HTT: variants seen among roughly 807,000 people sequenced by gnomAD.
The protein encoded by HTT is huntingtin.
Under a neutral mutation model 362.3 loss-of-function variants are expected in HTT, and 104 were observed. The observed-to-expected ratio is 0.29, with a 90% CI of 0.24 to 0.34. HTT has a LOEUF of 0.34. Ranked by LOEUF, HTT falls within the 10% of genes least tolerant of loss-of-function variation. The probability of loss-of-function intolerance (pLI) is 1.00; values close to 1 mark genes in which losing one functional copy is unlikely to be tolerated. For missense variants in HTT, 3,301 were observed against 3,928.6 expected (o/e 0.84, Z 4.27); for synonymous variants, 1,577 against 1,548.7 (o/e 1.02, Z -0.43).
In HTT at chr4:3,136,381, C is replaced by G; in HGVS notation, c.2798+55C>G. 4.5e-6 allele frequency: 4 copies of G among 895,090 alleles called. No homozygotes were observed. The South Asian group carries it at 6.0e-5, about 13-fold the overall frequency. 55.4% of individuals were successfully genotyped at this position (895,090 alleles called of 1,614,324 possible). On this transcript the variant is annotated intron_variant, in intron 21 of 66. Coordinates refer to ENST00000355072, the MANE Select transcript of HTT (RefSeq NM_001388492.1). ...TTTTTGGTTGAAGTACTAAAAGATA[C>G]GAGAATGGAAAGAGAGGGAAGAATT...
At chr4:3,196,684 G>A (rs1719271529) in intron 40 of HTT, among the ~76,000 whole-genome samples, 1 of 151,832 alleles carries the variant, frequency 6.6e-6, no homozygotes, top group East Asian at 1.9e-4. Context: ...GCTACAGTGG[G>A]CTGTGATCGT....
intron 31 of HTT, 146 bp from the exon 32 acceptor site, chr4:3,174,575 T>C (rs1718144634): frequency 3.3e-6 from 2 of 613,970 alleles, no homozygotes; most frequent in Admixed American, 4.8e-5. Context: ...GCTGCCACAC[T>C]GAGTGGCCTT....
chr4:3,176,563 G>C (rs936571488), intron 33 of HTT, among the ~76,000 whole-genome samples: 2 of 152,054 alleles, frequency 1.3e-5, no homozygotes, highest in African/African-American at 2.4e-5. Flanking sequence ...AGGCTCTCAG[G>C]GGGGCACGGG....
chr4:3,121,139 A>G, intron 8 of HTT, 89 bp from the exon 9 acceptor site: 7 of 860,052 alleles, frequency 8.1e-6, no homozygotes, highest in South Asian at 3.1e-5. Flanking sequence ...AACTTTGTCA[A>G]TGAAGTCCTA....
chr4:3,222,366 A>T, intron 53 of HTT, 21 bp from the exon 54 acceptor site: 1 of 1,599,942 alleles, frequency 6.3e-7, no homozygotes, highest in Non-Finnish European at 8.6e-7. Context: ...ACACTCTCTC[A>T]TGTAACATTT....
chr4:3,146,583 T>G (rs1451821776), intron 24 of HTT, among the ~76,000 whole-genome samples: 1 of 152,192 alleles, frequency 6.6e-6, no homozygotes, highest in Non-Finnish European at 1.5e-5. Context: ...CCCCAATACT[T>G]TCATTCAGAT....
chr4:3,175,182 C>CATT, intron 33 of HTT, 75 bp downstream of exon 33: 2 of 1,353,504 alleles, frequency 1.5e-6, no homozygotes, highest in Non-Finnish European at 2.0e-6. Flanking sequence ...ACACTGAAAT[C>CATT]TACTTTAAAG....
rs1488680916 is a variant in HTT at position 3,100,256 on chromosome 4, G to A, written c.468+862G>A. Among the ~76,000 whole-genome samples the A allele has an allele frequency of 2.0e-5, 3 of 152,106 alleles. No homozygotes were observed. The East Asian group carries it at 5.8e-4, about 29-fold the overall frequency. On this transcript the variant is annotated intron_variant, in intron 3 of 66. Coordinates refer to ENST00000355072, the MANE Select transcript of HTT (RefSeq NM_001388492.1). ...TGAGGATTAAATTGTGTATGTGTGA[G>A]GACTAATTGCCACTACTGGATCCTC...
In HTT at chr4:3,206,554, A is replaced by C; in HGVS notation, c.5777A>C (p.Asp1926Ala). ...TGGCTCATTGTAAATCACATTCAAG[A>C]TCTGATCAGCCTTTCCCACGAGCCT... ...LTWLIVNHIQ[D>A]LISLSHEPPV... is the part of the protein sequence containing the mutation. Residue 1926 changes from aspartate to alanine, a missense_variant, in exon 43 of 67, where the codon GAT becomes GCT. This residue lies in a region of HTT where 2,316 missense variants were observed against 2,658.5 expected (regional missense o/e 0.87). Coordinates refer to ENST00000355072, the MANE Select transcript of HTT (RefSeq NM_001388492.1). This position sits in a 1 kb window ranked among gnomAD's most constrained non-coding sequence, Gnocchi z 4.6. 1 of 1,614,112 alleles carries C rather than the reference A, an allele frequency of 6.2e-7. No individual in the cohort carries two copies. Among genetic ancestry groups the C allele is most frequent in the East Asian group, 2.2e-5 (1 of 44,866 alleles).
chr4:3,122,752 G>T, intron 9 of HTT, 137 bp from the exon 10 acceptor site: 1 of 597,262 alleles, frequency 1.7e-6, no homozygotes, highest in African/African-American at 1.8e-5. Context: ...GTTGAACTGC[G>T]ATGTTAAGTG....
intron 40 of HTT, among the ~76,000 whole-genome samples, chr4:3,199,473 G>A (rs1719424966): frequency 6.6e-6 from 1 of 151,832 alleles, no homozygotes; most frequent in African/African-American, 2.4e-5. Context: ...CCGGAAGGTG[G>A]AGTTTGCAGT....
intron 8 of HTT, 65 bp from the exon 9 acceptor site, chr4:3,121,163 A>C: frequency 8.0e-7 from 1 of 1,254,526 alleles, no homozygotes; most frequent in Non-Finnish European, 1.2e-6. Context: ...AAAACAACAA[A>C]AAAGTGAAGC....
Position 3,233,157 on chromosome 4 carries a change from G to A in HTT, c.8266-6G>A, listed in dbSNP as rs1277648056. The A allele has an allele frequency of 3.8e-6, 6 of 1,577,706 alleles. No homozygotes were observed. Among genetic ancestry groups the A allele is most frequent in the African/African-American group, 2.7e-5 (2 of 74,402 alleles). On this transcript the variant is annotated splice_region_variant and splice_polypyrimidine_tract_variant and intron_variant, in intron 60 of 66. Coordinates refer to ENST00000355072, the MANE Select transcript of HTT (RefSeq NM_001388492.1). Reference sequence around the variant, plus strand: ...CATGCAGCAGCTTTTGTCTGTGTGTGCCTAGGACAAGGCCGTGGCGGAGCC... The same window carrying A: ...CATGCAGCAGCTTTTGTCTGTGTGTACCTAGGACAAGGCCGTGGCGGAGCC...
At chr4:3,236,722 A>G (rs1721554923) in intron 64 of HTT, among the ~76,000 whole-genome samples, 1 of 152,136 alleles carries the variant, frequency 6.6e-6, no homozygotes, top group East Asian at 1.9e-4. Flanking sequence ...GAACCCACAC[A>G]TGCATCTTTG....
At chr4:3,194,761 C>T (rs1719169021) in intron 40 of HTT, among the ~76,000 whole-genome samples, 1 of 152,192 alleles carries the variant, frequency 6.6e-6, no homozygotes, top group South Asian at 2.1e-4. Flanking sequence ...TCCAAAGCGT[C>T]TGTGGTTCCA....
At chr4:3,236,451 A>G (rs1354543369) in intron 64 of HTT, among the ~76,000 whole-genome samples, 197 bp downstream of exon 64, 4 of 152,180 alleles carry the variant, frequency 2.6e-5, no homozygotes, top group African/African-American at 4.8e-5. Flanking sequence ...CCCAGCACTC[A>G]GGTGTAGCGT....
At position 3,241,740 on chromosome 4, in the gene HTT, C is replaced by T. The variant is rs1463140499; in HGVS notation, c.*1681C>T. On this transcript the variant is annotated 3_prime_UTR_variant, in exon 67 of 67. Coordinates refer to ENST00000355072, the MANE Select transcript of HTT (RefSeq NM_001388492.1). ...TGTGGACTTGTATGCTGCCCACATA[C>T]GTGAGGGGGAGCTGAAAGGGAGCCC... 3 of 126,494 alleles carry T rather than the reference C, an allele frequency of 2.4e-5. No homozygotes were observed. Among genetic ancestry groups the T allele is most frequent in the South Asian group, 2.3e-4 (1 of 4,396 alleles). 7.8% of individuals were successfully genotyped at this position (126,494 alleles called of 1,614,324 possible).
chr4:3,188,804 G>A (rs987183375), intron 39 of HTT, 147 bp from the exon 40 acceptor site: 11 of 709,250 alleles, frequency 1.6e-5, no homozygotes, highest in African/African-American at 7.2e-5. Context: ...TGTCCACGGC[G>A]ACGGCGCTCT....
intron 29 of HTT, among the ~76,000 whole-genome samples, chr4:3,171,437 C>T (rs534086253): frequency 1.3e-3 from 200 of 150,614 alleles, no homozygotes; most frequent in Non-Finnish European, 1.9e-3. Context: ...AGAATGGTGG[C>T]GCTCTTTGAG....
Sources: gnomAD v4.1 joint callset for allele counts (sites outside exome capture counted in the v4.1 genomes callset) on GRCh38, gnomAD v4.1.1 for gene constraint, gnomAD v4.1.1 regional missense constraint, Gnocchi (gnomAD v3.1) non-coding constraint, MANE v1.5 for transcripts, NCBI Gene and HGNC (gene_info 2026-07-23, HGNC 2026-07-21) for gene names.